CCDC91: variants seen among roughly 807,000 people sequenced by gnomAD.
The protein encoded by CCDC91 is coiled-coil domain-containing protein 91.
CCDC91 carries 48 observed loss-of-function variants against 63.2 expected under a neutral mutation model. That is an observed-to-expected ratio of 0.76 (90% CI 0.60 to 0.97). CCDC91 has a LOEUF of 0.97. Ranked by LOEUF, CCDC91 falls within the 50% of genes least tolerant of loss-of-function variation. The probability of loss-of-function intolerance (pLI) is 0.00; values close to 1 mark genes in which losing one functional copy is unlikely to be tolerated. For missense variants in CCDC91, 500 were observed against 494.6 expected, an observed-to-expected ratio of 1.01 and a Z score of -0.10; for synonymous variants, 167 against 165.8, an observed-to-expected ratio of 1.01 and a Z score of -0.06.
At chr12:28,520,847 GT>G (rs1389789138) in intron 12 of CCDC91, among the ~76,000 whole-genome samples, 43 of 152,228 alleles carry the variant, frequency 2.8e-4, no homozygotes, top group Admixed American at 3.9e-4. Context: ...CCCATTTCTT[GT>G]TTTTGTCAGG....
At chr12:28,403,112 G>A (rs1946738472) in intron 8 of CCDC91, among the ~76,000 whole-genome samples, 1 of 152,084 alleles carries the variant, frequency 6.6e-6, no homozygotes, top group African/African-American at 2.4e-5. Flanking sequence ...TTCTTTTCCT[G>A]TGATGTATTT....
At chr12:28,393,817 T>G (rs946862106) in intron 8 of CCDC91, among the ~76,000 whole-genome samples, 3 of 152,192 alleles carry the variant, frequency 2.0e-5, no homozygotes, top group Non-Finnish European at 1.5e-5. Flanking sequence ...GAGCTTGTCT[T>G]TTTCTTATAA....
chr12:28,451,278 A>G (rs917973888), intron 10 of CCDC91, among the ~76,000 whole-genome samples: 8 of 151,732 alleles, frequency 5.3e-5, no homozygotes, highest in Non-Finnish European at 8.9e-5. Context: ...AAGTCTGTCT[A>G]AGAGATACTG....
At chr12:28,414,834 TA>T (rs1174078959) in intron 8 of CCDC91, among the ~76,000 whole-genome samples, 1 of 152,094 alleles carries the variant, frequency 6.6e-6, no homozygotes, top group African/African-American at 2.4e-5. Flanking sequence ...CTTGGGGCAA[TA>T]AAGTAGAAGT....
intron 1 of CCDC91, among the ~76,000 whole-genome samples, chr12:28,227,127 TATC>T (rs759036010): frequency 2.0e-5 from 3 of 152,144 alleles, no homozygotes; most frequent in Admixed American, 6.6e-5. Flanking sequence ...TATTGTGACT[TATC>T]ATTGTTGATG....
intron 8 of CCDC91, among the ~76,000 whole-genome samples, chr12:28,443,567 A>G (rs1214282651): frequency 6.6e-6 from 1 of 152,102 alleles, no homozygotes; most frequent in Non-Finnish European, 1.5e-5. Context: ...GAAGCAACAG[A>G]TGGATGGCAG....
chr12:28,449,425 C>T (rs1408977426), intron 8 of CCDC91, among the ~76,000 whole-genome samples: 1 of 151,960 alleles, frequency 6.6e-6, no homozygotes, highest in Non-Finnish European at 1.5e-5. Context: ...CATCAGTGCA[C>T]TGTTCTGGAA....
At chr12:28,428,323 T>G (rs1948438670) in intron 8 of CCDC91, among the ~76,000 whole-genome samples, 1 of 151,802 alleles carries the variant, frequency 6.6e-6, no homozygotes, top group African/African-American at 2.4e-5. Flanking sequence ...GTAATCCCAG[T>G]GCTTTGGGAG....
At chr12:28,548,854 T>G (rs192545296) in intron 12 of CCDC91, among the ~76,000 whole-genome samples, 2 of 152,208 alleles carry the variant, frequency 1.3e-5, no homozygotes, top group Admixed American at 6.5e-5. Flanking sequence ...CAACATCAGT[T>G]ATAAAACTAT....
In CCDC91 at chr12:28,362,481, A is replaced by C. The variant is rs755455871; in HGVS notation, c.620A>C (p.His207Pro). 6 of 1,599,548 alleles carry C rather than the reference A, an allele frequency of 3.8e-6. No homozygotes were observed. In the African/African-American group the frequency reaches 8.1e-5, roughly 21 times the overall value. Residue 207 changes from histidine (H) to proline (P), a missense_variant, in exon 7 of 13, where the codon CAC (histidine) becomes CCC (proline). Transcript: ENST00000536442. ...TTGGAAGACATGAGGAAAGCTGGTC[A>C]CGAAGCCCTCAGCATTATTGTGGAT... is the stretch of plus-strand genomic sequence containing the variant. ...QELEDMRKAG[H>P]EALSIIVDEY...
chr12:28,369,998 T>C (rs1057423055), intron 7 of CCDC91, among the ~76,000 whole-genome samples: 16 of 152,314 alleles, frequency 1.1e-4, no homozygotes, highest in Non-Finnish European at 1.3e-4. Flanking sequence ...TGGGAGGGGC[T>C]GCCATGAAGA....
intron 12 of CCDC91, among the ~76,000 whole-genome samples, chr12:28,484,869 A>T (rs556954637): frequency 1.3e-5 from 2 of 150,048 alleles, no homozygotes; most frequent in African/African-American, 4.9e-5. Flanking sequence ...ATATAATAAA[A>T]TTTTTCACAT....
intron 12 of CCDC91, among the ~76,000 whole-genome samples, chr12:28,492,807 G>T (rs1378362986): frequency 1.3e-5 from 2 of 151,520 alleles, no homozygotes; most frequent in African/African-American, 2.4e-5. Flanking sequence ...TTTAGGAAAA[G>T]ATGATGATAG....
At chr12:28,473,850 C>T (rs1950945797) in intron 11 of CCDC91, among the ~76,000 whole-genome samples, 1 of 152,108 alleles carries the variant, frequency 6.6e-6, no homozygotes, top group Non-Finnish European at 1.5e-5. Flanking sequence ...CTCAGGAGAA[C>T]ATTTACCTGG....
chr12:28,437,194 C>A (rs947547311), intron 8 of CCDC91, among the ~76,000 whole-genome samples: 4 of 151,816 alleles, frequency 2.6e-5, no homozygotes, highest in African/African-American at 9.7e-5. Flanking sequence ...TTCACGTGTA[C>A]ATTATTTTGC....
At chr12:28,209,015 C>T (rs1943050014) in intron 1 of CCDC91, among the ~76,000 whole-genome samples, 1 of 151,796 alleles carries the variant, frequency 6.6e-6, no homozygotes, top group Non-Finnish European at 1.5e-5. Context: ...ACCATGTTAG[C>T]CAGGATGGTC....
At chr12:28,287,796 A>G (rs1949002543) in intron 3 of CCDC91, among the ~76,000 whole-genome samples, 1 of 152,096 alleles carries the variant, frequency 6.6e-6, no homozygotes, top group Non-Finnish European at 1.5e-5. Context: ...TTTGGGCAGT[A>G]TGGCCATTTT....
chr12:28,448,759 C>T (rs1429747270), intron 8 of CCDC91, among the ~76,000 whole-genome samples: 1 of 151,762 alleles, frequency 6.6e-6, no homozygotes, highest in African/African-American at 2.4e-5. Context: ...TTATGTTTAC[C>T]TCTTCCCAAG....
chr12:28,416,270 A>G (rs190091276), intron 8 of CCDC91, among the ~76,000 whole-genome samples: 395 of 152,310 alleles, frequency 2.6e-3, no homozygotes, highest in Non-Finnish European at 4.8e-3. Context: ...TTTATATTAA[A>G]TAGGTAGAGA....
Sources: allele counts gnomAD v4.1 joint callset (sites outside exome capture counted in the v4.1 genomes callset), GRCh38; gene constraint gnomAD v4.1.1; transcripts MANE v1.5; gene names NCBI Gene and HGNC (gene_info 2026-07-23, HGNC 2026-07-21).